Variants in TP53I11 observed in about 807,000 individuals in gnomAD.
TP53I11 encodes the protein tumor protein p53 inducible protein 11.
Under a neutral mutation model 23.3 loss-of-function variants are expected in TP53I11, and 9 were observed. That is an observed-to-expected ratio of 0.39 (90% CI 0.23 to 0.67). TP53I11 has a LOEUF of 0.67. Ranked by LOEUF, TP53I11 falls within the 30% of genes least tolerant of loss-of-function variation. The pLI, the probability that TP53I11 is intolerant of heterozygous loss-of-function variation, is 0.48. For missense variants in TP53I11, 170 were observed against 255.2 expected, an observed-to-expected ratio of 0.67 and a Z score of 2.27; for synonymous variants, 100 against 106.1, an observed-to-expected ratio of 0.94 and a Z score of 0.35.
At chr11:44,947,318 C>T (rs536622891) in intron 1 of TP53I11, 51 of 358,564 alleles carry the variant, frequency 1.4e-4, no homozygotes, top group South Asian at 5.6e-4. Flanking sequence ...CAGCTGGTGT[C>T]GTCATCAGGA....
intron 1 of TP53I11, chr11:44,941,164 C>G (rs1861712105): frequency 6.6e-6 from 1 of 152,242 alleles, no homozygotes; most frequent in South Asian, 2.1e-4. Context: ...TTAGTGAGGT[C>G]TACTGTGAGC....
chr11:44,937,233 T>A, intron 4 of TP53I11, 71 bp downstream of exon 4: 4 of 1,536,292 alleles, frequency 2.6e-6, no homozygotes, highest in Non-Finnish European at 3.5e-6. Context: ...AGGAGGCACC[T>A]CTGGTGAGCC....
At chr11:44,941,779 C>T (rs74418412) in intron 1 of TP53I11, among the ~76,000 whole-genome samples, 4,284 of 152,184 alleles carry the variant, frequency 0.028, 196 homozygotes, top group African/African-American at 0.097. Flanking sequence ...TTAACTTCTC[C>T]GCCCCACTGG....
intron 1 of TP53I11, among the ~76,000 whole-genome samples, chr11:44,946,374 TCA>T (rs1370911800): frequency 6.6e-6 from 1 of 152,130 alleles, no homozygotes; most frequent in East Asian, 1.9e-4. Context: ...GCTGCCTTAG[TCA>T]GTCTTGTCTC....
At chr11:44,945,498 G>A (rs1041543619) in intron 1 of TP53I11, among the ~76,000 whole-genome samples, 13 of 152,114 alleles carry the variant, frequency 8.5e-5, no homozygotes, top group African/African-American at 3.1e-4. Context: ...GTGGGGGTGG[G>A]GGGGCGTTTG....
intron 1 of TP53I11, 133 bp from the exon 2 acceptor site, chr11:44,938,499 G>C: frequency 9.4e-7 from 1 of 1,063,986 alleles, no homozygotes; most frequent in African/African-American, 1.6e-5. Flanking sequence ...AGGGCAGTAG[G>C]GGGAGTACAG....
intron 2 of TP53I11, 103 bp from the exon 3 acceptor site, chr11:44,937,716 C>G (rs1432103470): frequency 7.9e-7 from 1 of 1,268,666 alleles, no homozygotes. Context: ...CCAGCCTGGG[C>G]ACCTCAGCTT....
At position 44,936,614 on chromosome 11, in the gene TP53I11, T is replaced by TTCC. The variant is rs1362448263; in HGVS notation, c.334+186_334+188dup. 79 of 1,339,316 alleles carry TTCC rather than the reference T, an allele frequency of 5.9e-5. No homozygotes were observed. Among genetic ancestry groups the TTCC allele is most frequent in the Non-Finnish European group, 7.4e-5 (77 of 1,045,988 alleles). 83.0% of individuals were successfully genotyped at this position (1,339,316 alleles called of 1,614,324 possible). ...TGCAAGCTCCAACCCACTGGGTGTA[T>TTCC]TCCACCAATGGCCACAAGATGGCAG... On this transcript the variant is annotated intron_variant, in intron 5 of 6. Transcript: ENST00000525680. The surrounding 1 kb of genome is among the most constrained non-coding windows in gnomAD (Gnocchi z 4.4).
chr11:44,949,112 T>C (rs538104826), intron 1 of TP53I11, among the ~76,000 whole-genome samples: 8 of 152,294 alleles, frequency 5.3e-5, no homozygotes, highest in Admixed American at 2.0e-4. Flanking sequence ...AGACGACCCA[T>C]TTTACAGATG....
rs998204285 is a variant in TP53I11 at position 44,936,511 on chromosome 11, G to C, written c.334+292C>G. On this transcript the variant is annotated intron_variant, in intron 5 of 6. Transcript: ENST00000525680. This position sits in a 1 kb window ranked among gnomAD's most constrained non-coding sequence, Gnocchi z 4.4. ...CTGTGAATTCCTAGAGGCTGGGCCT[G>C]GGCTTCCTCCATCTCTGTACCACAA... 1 of 1,243,576 alleles carries C rather than the reference G, an allele frequency of 8.0e-7. No individual in the cohort carries two copies. 77.0% of individuals were successfully genotyped at this position (1,243,576 alleles called of 1,614,324 possible).
At chr11:44,947,607 C>T (rs951734422) in intron 1 of TP53I11, among the ~76,000 whole-genome samples, 4 of 152,162 alleles carry the variant, frequency 2.6e-5, no homozygotes, top group East Asian at 1.9e-4. Context: ...CTGCCCTTTT[C>T]GCAGGATAAG....
intron 1 of TP53I11, among the ~76,000 whole-genome samples, chr11:44,946,167 T>C (rs550668577): frequency 6.6e-6 from 1 of 152,104 alleles, no homozygotes; most frequent in Non-Finnish European, 1.5e-5. Context: ...CTAGAAGTCA[T>C]GGGACACAAA....
intron 6 of TP53I11, 59 bp from the exon 7 acceptor site, chr11:44,935,076 GC>G: frequency 1.9e-6 from 3 of 1,601,482 alleles, no homozygotes; most frequent in Non-Finnish European, 1.7e-6. Context: ...TCCCAGCGCT[GC>G]CCCCCTAGCC....
At chr11:44,939,063 C>G (rs939866634) in intron 1 of TP53I11, 3 of 152,212 alleles carry the variant, frequency 2.0e-5, no homozygotes, top group African/African-American at 7.2e-5. Context: ...CTCCCCAGCC[C>G]CCCACTCCCC....
chr11:44,939,861 C>T (rs997751923), intron 1 of TP53I11, among the ~76,000 whole-genome samples: 1 of 152,252 alleles, frequency 6.6e-6, no homozygotes, highest in Non-Finnish European at 1.5e-5. Context: ...CGCCTTTCTC[C>T]TCCCCACACA....
intron 1 of TP53I11, chr11:44,939,045 C>G (rs1478210668): frequency 6.6e-6 from 1 of 152,264 alleles, no homozygotes; most frequent in Non-Finnish European, 1.5e-5. Flanking sequence ...CCAGGTCTGC[C>G]CATGATCCTC....
At chr11:44,937,252 G>T in intron 4 of TP53I11, 52 bp downstream of exon 4, 1 of 1,540,246 alleles carries the variant, frequency 6.5e-7, no homozygotes, top group Non-Finnish European at 8.8e-7. Flanking sequence ...CCAGAGAAGG[G>T]CTGAGGGAGC....
chr11:44,946,165 C>G (rs1425959198), intron 1 of TP53I11, among the ~76,000 whole-genome samples: 1 of 152,190 alleles, frequency 6.6e-6, no homozygotes, highest in Non-Finnish European at 1.5e-5. Flanking sequence ...ATCTAGAAGT[C>G]ATGGGACACA....
chr11:44,938,558 G>T lies in TP53I11; in HGVS notation c.-31-192C>A, dbSNP rs554187654. On this transcript the variant is annotated intron_variant, in intron 1 of 6. Coordinates refer to ENST00000525680, the MANE Select transcript of TP53I11 (RefSeq NM_006034.5). ...GAGGAAATGCTCTCCAGGCCCCTGAGGCTCTGGGAGCTGGTCTGCTGTAGG... is the reference window on the plus strand; with the variant it reads ...GAGGAAATGCTCTCCAGGCCCCTGATGCTCTGGGAGCTGGTCTGCTGTAGG... 4.4e-5 allele frequency: 26 copies of T among 594,722 alleles called. No homozygotes were observed. The African/African-American group carries it at 5.0e-4, about 12-fold the overall frequency. The allele number at this position is 594,722 out of a possible 1,614,324, so 36.8% of individuals were successfully genotyped here.
Sources: gnomAD v4.1 joint callset for allele counts (sites outside exome capture counted in the v4.1 genomes callset) on GRCh38, gnomAD v4.1.1 for gene constraint, Gnocchi (gnomAD v3.1) non-coding constraint, MANE v1.5 for transcripts, NCBI Gene and HGNC (gene_info 2026-07-23, HGNC 2026-07-21) for gene names.